Variants in C16orf96 observed in about 807,000 individuals in gnomAD.
C16orf96 encodes chromosome 16 open reading frame 96, also known as uncharacterized protein C16orf96.
A neutral mutation model predicts 103.6 loss-of-function variants in C16orf96; 108 were observed. The ratio of observed to expected loss-of-function variants is 1.04; its 90% CI spans 0.89 to 1.22. C16orf96 has a LOEUF of 1.22. Among genes scored for constraint, C16orf96 ranks in the 50% most tolerant of loss-of-function variants. The probability of loss-of-function intolerance (pLI) is 0.00; values close to 1 mark genes in which losing one functional copy is unlikely to be tolerated. For synonymous variants in C16orf96, 566 were observed against 593.5 expected (o/e 0.95, Z 0.67); for missense variants, 1,586 against 1,464.2 (o/e 1.08, Z -1.36).
intron 1 of C16orf96, among the ~76,000 whole-genome samples, chr16:4,568,241 G>A (rs1484747656): frequency 6.6e-6 from 1 of 152,112 alleles, no homozygotes; most frequent in African/African-American, 2.4e-5. Context: ...ATTGTGGTCA[G>A]AGTATGTATT....
chr16:4,539,643 C>T, the C16orf96 span, among the ~76,000 whole-genome samples: 1 of 152,062 alleles, frequency 6.6e-6, no homozygotes, highest in African/African-American at 2.4e-5. Context: ...TGAGATTATG[C>T]CTCTGCACTC....
At chr16:4,586,927 C>T in intron 7 of C16orf96, 112 bp from the exon 8 acceptor site, 1 of 948,896 alleles carries the variant, frequency 1.1e-6, no homozygotes. Context: ...TGCCTGCTGT[C>T]CACACGGCCT....
rs1897108973 is a variant in C16orf96 at position 4,593,621 on chromosome 16, C to A, written c.2867+305C>A. 6.6e-6 allele frequency among the ~76,000 whole-genome samples: 1 copy of A among 152,046 alleles called. No individual in the cohort carries two copies. The highest frequency in any genetic ancestry group is 2.4e-5 in the African/African-American group (1 of 41,396). On this transcript the variant is annotated intron_variant, in intron 12 of 15. Transcript: ENST00000444310. The surrounding 1 kb of genome is among the most constrained non-coding windows in gnomAD (Gnocchi z 4.2). ...TGAGCTAGGGTTCCTATGCCCATGT[C>A]CCTGTTTCTTGGCGGAGGGAATCGG...
upstream of C16orf96, among the ~76,000 whole-genome samples, chr16:4,554,850 C>G (rs1295820845): frequency 6.6e-6 from 1 of 151,710 alleles, no homozygotes; most frequent in Middle Eastern, 3.2e-3. Context: ...AGGATGGTCT[C>G]CATCTCTTAA....
chr16:4,545,453 A>G, the C16orf96 span, among the ~76,000 whole-genome samples: 1 of 152,248 alleles, frequency 6.6e-6, no homozygotes, highest in East Asian at 1.9e-4. Flanking sequence ...TGGCCTCCCA[A>G]AGTGCTGGGA....
rs1008742274 is a variant in C16orf96, at chr16:4,576,586, A to G, written c.2106A>G (p.Glu702=). ...CTGTCAAACACGACTCTCTGAAGGAAGAATTTGCCCAGCTGTCCTGTAACC... is the reference window on the plus strand; with the variant it reads ...CTGTCAAACACGACTCTCTGAAGGAGGAATTTGCCCAGCTGTCCTGTAACC... ...QIPVKHDSLK[E]EFAQLSCNLN... The change falls in exon 5 of 16, where the codon GAA becomes GAG. Residue 702 remains glutamate, a synonymous_variant. Transcript: ENST00000444310. The G allele has an allele frequency of 9.0e-6, 14 of 1,551,510 alleles. No homozygotes were observed. Among genetic ancestry groups the G allele is most frequent in the Non-Finnish European group, 1.2e-5 (14 of 1,147,000 alleles).
chr16:4,592,168 G>A (rs1460691823), intron 10 of C16orf96, 137 bp from the exon 11 acceptor site: 2 of 1,007,684 alleles, frequency 2.0e-6, no homozygotes, highest in Non-Finnish European at 3.0e-6. Context: ...AGTGGTTGGA[G>A]ACTGCAGGGC....
At chr16:4,583,609 G>A (rs1023862462) in intron 7 of C16orf96, among the ~76,000 whole-genome samples, 2 of 152,134 alleles carry the variant, frequency 1.3e-5, no homozygotes, top group African/African-American at 2.4e-5. Flanking sequence ...TGTAGAACAA[G>A]TGTGGGAATA....
intron 6 of C16orf96, 76 bp downstream of exon 6, chr16:4,579,101 C>G (rs771181851): frequency 7.6e-7 from 1 of 1,317,024 alleles, no homozygotes; most frequent in Non-Finnish European, 1.1e-6. Flanking sequence ...TTGACTCTGC[C>G]CCCCTCCCAG....
intron 5 of C16orf96, among the ~76,000 whole-genome samples, chr16:4,576,885 C>A (rs1469157052): frequency 6.6e-6 from 1 of 152,092 alleles, no homozygotes; most frequent in African/African-American, 2.4e-5. Context: ...AATGGCATGC[C>A]AAAATTACTC....
At chr16:4,590,431 G>T (rs901423627) in intron 9 of C16orf96, among the ~76,000 whole-genome samples, 1 of 151,568 alleles carries the variant, frequency 6.6e-6, no homozygotes, top group South Asian at 2.1e-4. Flanking sequence ...GGTAGTGGGG[G>T]CCTGTAATCC....
the C16orf96 span, among the ~76,000 whole-genome samples, chr16:4,546,260 G>A: frequency 6.7e-6 from 1 of 149,566 alleles, no homozygotes; most frequent in South Asian, 2.1e-4. Flanking sequence ...CCAGGTTCAC[G>A]CCATTCTCCT....
intron 1 of C16orf96, among the ~76,000 whole-genome samples, chr16:4,570,325 T>C (rs1014957553): frequency 8.5e-5 from 13 of 152,164 alleles, no homozygotes; most frequent in African/African-American, 2.9e-4. Context: ...CACTTTCAGT[T>C]CTGTCAGTGT....
At chr16:4,599,435 C>A in intron 15 of C16orf96, 71 bp downstream of exon 15, 3 of 1,342,456 alleles carry the variant, frequency 2.2e-6, no homozygotes, top group Non-Finnish European at 3.1e-6. Context: ...CTCGTCTCAT[C>A]CCATCCCCCA....
chr16:4,548,355 A>G, the C16orf96 span, among the ~76,000 whole-genome samples: 2 of 152,126 alleles, frequency 1.3e-5, no homozygotes, highest in East Asian at 1.9e-4. Flanking sequence ...TGAGACTCAC[A>G]TCGGTACTGC....
rs189348374 is a variant in C16orf96, at chr16:4,569,542, C to T, written c.421-2019C>T. Among the ~76,000 whole-genome samples the T allele has an allele frequency of 1.7e-3, 256 of 151,860 alleles. 1 individual carries two copies. Among genetic ancestry groups the T allele is most frequent in the African/African-American group, 5.9e-3 (245 of 41,454 alleles). On this transcript the variant is annotated intron_variant, in intron 1 of 15. Coordinates refer to ENST00000444310, the MANE Select transcript of C16orf96 (RefSeq NM_001145011.2). ...CCGAGGTGGGTGGATCACTTGAGGTCAGGAGTTTGAGATCAGCCTGGCCAA... is the reference window on the plus strand; with the variant it reads ...CCGAGGTGGGTGGATCACTTGAGGTTAGGAGTTTGAGATCAGCCTGGCCAA...
At chr16:4,588,764 G>A (rs1307181027) in intron 9 of C16orf96, among the ~76,000 whole-genome samples, 1 of 130,496 alleles carries the variant, frequency 7.7e-6, no homozygotes, top group African/African-American at 3.0e-5. Flanking sequence ...CCCATACATA[G>A]TCAATAAATG....
At chr16:4,599,482 T>G in intron 15 of C16orf96, 118 bp downstream of exon 15, 1 of 874,366 alleles carries the variant, frequency 1.1e-6, no homozygotes, top group Non-Finnish European at 1.8e-6. Flanking sequence ...CTCCTCCACC[T>G]CCTGCCTGCT....
chr16:4,583,985 T>G (rs923611037), intron 7 of C16orf96, among the ~76,000 whole-genome samples: 1 of 150,990 alleles, frequency 6.6e-6, no homozygotes, highest in South Asian at 2.1e-4. Context: ...TTACAAGAAT[T>G]TAGCATATGA....
Sources: gnomAD v4.1 joint callset for allele counts (sites outside exome capture counted in the v4.1 genomes callset) on GRCh38, gnomAD v4.1.1 for gene constraint, Gnocchi (gnomAD v3.1) non-coding constraint, MANE v1.5 for transcripts, NCBI Gene and HGNC (gene_info 2026-07-23, HGNC 2026-07-21) for gene names.